Variants in SNAP91 observed in about 807,000 individuals in gnomAD.
SNAP91 encodes synaptosome associated protein 91.
SNAP91 carries 27 observed loss-of-function variants against 100.3 expected under a neutral mutation model. That is an observed-to-expected ratio of 0.27 (90% CI 0.20 to 0.37). The LOEUF is 0.37. Among genes scored for constraint, SNAP91 ranks in the 10% least tolerant of loss-of-function variants. SNAP91 has a pLI of 1.00. For synonymous variants in SNAP91, 404 were observed against 398.6 expected, an observed-to-expected ratio of 1.01 and a Z score of -0.16; for missense variants, 986 against 1,123.7, an observed-to-expected ratio of 0.88 and a Z score of 1.75.
intron 26 of SNAP91, among the ~76,000 whole-genome samples, chr6:83,565,590 C>T (rs911926409): frequency 4.6e-5 from 7 of 152,092 alleles, no homozygotes; most frequent in African/African-American, 1.7e-4. Context: ...GTCCAATGTT[C>T]ACAGCCCCAG....
chr6:83,560,986 A>G, intron 26 of SNAP91, 39 bp from the exon 27 acceptor site: 1 of 1,321,116 alleles, frequency 7.6e-7, no homozygotes, highest in Non-Finnish European at 1.1e-6. Context: ...AAATAACACA[A>G]AAACACACAA....
chr6:83,599,521 G>C (rs956401084), intron 16 of SNAP91, among the ~76,000 whole-genome samples: 5 of 152,028 alleles, frequency 3.3e-5, no homozygotes, highest in African/African-American at 1.2e-4. Flanking sequence ...TATTATTATG[G>C]AACTTTCAAG....
chr6:83,653,467 T>A (rs1303363726), intron 7 of SNAP91, among the ~76,000 whole-genome samples: 1 of 152,180 alleles, frequency 6.6e-6, no homozygotes, highest in Non-Finnish European at 1.5e-5. Flanking sequence ...TTCTTTTTAG[T>A]TCTTTTTTAG....
intron 8 of SNAP91, among the ~76,000 whole-genome samples, chr6:83,631,552 A>G (rs2097204702): frequency 6.6e-6 from 1 of 152,130 alleles, no homozygotes; most frequent in South Asian, 2.1e-4. Flanking sequence ...TAGGATTGTA[A>G]TATTTTCCTG....
At chr6:83,649,937 T>C (rs1382320412) in intron 7 of SNAP91, among the ~76,000 whole-genome samples, 1 of 152,174 alleles carries the variant, frequency 6.6e-6, no homozygotes, top group Admixed American at 6.5e-5. Context: ...GTAGGTATAT[T>C]TTGAACAACT....
chr6:83,564,350 T>C (rs1020562292), intron 26 of SNAP91, among the ~76,000 whole-genome samples: 41 of 144,480 alleles, frequency 2.8e-4, no homozygotes, highest in African/African-American at 1.0e-3. Flanking sequence ...TTTTTTTATA[T>C]ATATATATAC....
In SNAP91 at chr6:83,601,443, AT is replaced by A; in HGVS notation, c.1157-6del. On this transcript the variant is annotated splice_region_variant and splice_polypyrimidine_tract_variant and intron_variant, in intron 15 of 29. Coordinates refer to ENST00000369694, the MANE Select transcript of SNAP91 (RefSeq NM_001242792.2). ...AGGAAAGTGCAGCCAAAGAATCTAT[AT>A]TTCACCAGAGACAGAGAGCAAACGG... 6.2e-7 allele frequency: 1 copy of A among 1,613,636 alleles called. No homozygotes were observed. Among genetic ancestry groups the A allele is most frequent in the Non-Finnish European group, 8.5e-7 (1 of 1,179,752 alleles).
At chr6:83,634,132 A>T (rs1294241134) in intron 8 of SNAP91, among the ~76,000 whole-genome samples, 3 of 152,184 alleles carry the variant, frequency 2.0e-5, no homozygotes, top group Non-Finnish European at 4.4e-5. Context: ...ATTGTTACAA[A>T]GTTCAGCTGG....
chr6:83,599,262 G>A (rs2094878027), intron 16 of SNAP91, among the ~76,000 whole-genome samples: 1 of 151,794 alleles, frequency 6.6e-6, no homozygotes, highest in Non-Finnish European at 1.5e-5. Context: ...GGCTATGCAG[G>A]AAGTAAGATA....
intron 21 of SNAP91, among the ~76,000 whole-genome samples, chr6:83,591,818 A>G (rs1284333328): frequency 6.6e-6 from 1 of 152,198 alleles, no homozygotes; most frequent in African/African-American, 2.4e-5. Context: ...TGATGCTTCA[A>G]TGTACAGGAG....
At chr6:83,601,638 A>G (rs1452264816) in intron 14 of SNAP91, 39 bp from the exon 15 acceptor site, 21 of 1,606,242 alleles carry the variant, frequency 1.3e-5, no homozygotes, top group Non-Finnish European at 1.8e-5. Context: ...AGAATAAATA[A>G]GAGCTAAAGT....
chr6:83,705,673 G>C (rs2099366296), intron 2 of SNAP91, among the ~76,000 whole-genome samples: 1 of 152,096 alleles, frequency 6.6e-6, no homozygotes, highest in Non-Finnish European at 1.5e-5. Context: ...AGCCAGGCGT[G>C]GTGGTGCATT....
chr6:83,645,050 C>T (rs965220858), intron 7 of SNAP91, among the ~76,000 whole-genome samples: 4 of 152,220 alleles, frequency 2.6e-5, no homozygotes, highest in Middle Eastern at 3.4e-3. Context: ...TTATTAGGAA[C>T]GCAAATTCTC....
chr6:83,622,420 T>C (rs1165157249), intron 9 of SNAP91, among the ~76,000 whole-genome samples: 3 of 146,480 alleles, frequency 2.0e-5, no homozygotes, highest in African/African-American at 7.6e-5. Flanking sequence ...ACTTTGATAT[T>C]ATTAACAAGT....
intron 7 of SNAP91, among the ~76,000 whole-genome samples, chr6:83,650,113 T>A (rs2098133848): frequency 6.6e-6 from 1 of 152,314 alleles, no homozygotes; most frequent in East Asian, 1.9e-4. Context: ...GCAAACTGAA[T>A]TTTTTAAGTC....
At position 83,594,317 on chromosome 6, in the gene SNAP91, CG is replaced by C. The variant is rs2094206518; in HGVS notation, c.1432+56del. 9.0e-6 allele frequency: 12 copies of C among 1,326,962 alleles called. 1 individual carries two copies. Among genetic ancestry groups the C allele is most frequent in the Middle Eastern group, 1.8e-4 (1 of 5,440 alleles). The allele number at this position is 1,326,962 out of a possible 1,614,324, so 82.2% of individuals were successfully genotyped here. ...AAAAACATATGGCCTCTTCTAACTACGGGGGTTTTACATTAGGACAGAAGAA... is the reference window on the plus strand; with the variant it reads ...AAAAACATATGGCCTCTTCTAACTACGGGGTTTTACATTAGGACAGAAGAA... On this transcript the variant is annotated intron_variant, in intron 17 of 29. Coordinates refer to ENST00000369694, the MANE Select transcript of SNAP91 (RefSeq NM_001242792.2).
chr6:83,577,907 A>G (rs936039445), intron 24 of SNAP91, among the ~76,000 whole-genome samples: 27 of 152,058 alleles, frequency 1.8e-4, no homozygotes, highest in African/African-American at 6.5e-4. Flanking sequence ...TGAAGCCCCA[A>G]TCTACTTCCT....
In SNAP91 at chr6:83,594,392, C is replaced by T; in HGVS notation, c.1414G>A (p.Asp472Asn). ...ATPTPVAAAL[D>N]ACSGNDPFAP... ...AACCCACCATTTCCTGAACATGCATCAAGTGCTGCTGCTACAGGGGTTGGG... is the reference window on the plus strand; with the variant it reads ...AACCCACCATTTCCTGAACATGCATTAAGTGCTGCTGCTACAGGGGTTGGG... Residue 472 changes from aspartate (D) to asparagine (N), a missense_variant, in exon 17 of 30, where the codon GAT becomes AAT. This residue lies in a region of SNAP91 where 575 missense variants were observed against 579.9 expected (regional missense o/e 0.99). Transcript: ENST00000369694. 1.3e-6 allele frequency: 2 copies of T among 1,553,292 alleles called. No individual in the cohort carries two copies. The highest frequency in any genetic ancestry group is 1.7e-6 in the Non-Finnish European group (2 of 1,147,672).
At chr6:83,645,953 A>C (rs1293425077) in intron 7 of SNAP91, among the ~76,000 whole-genome samples, 1 of 152,248 alleles carries the variant, frequency 6.6e-6, no homozygotes, top group Non-Finnish European at 1.5e-5. Flanking sequence ...AGTAATATGC[A>C]TTTAAGATTC....
Sources: gnomAD v4.1 joint callset for allele counts (sites outside exome capture counted in the v4.1 genomes callset) on GRCh38, gnomAD v4.1.1 for gene constraint, gnomAD v4.1.1 regional missense constraint, MANE v1.5 for transcripts, NCBI Gene and HGNC (gene_info 2026-07-23, HGNC 2026-07-21) for gene names.